TENM3: variants seen among roughly 807,000 people sequenced by gnomAD.
TENM3 encodes the protein teneurin transmembrane protein 3.
Under a neutral mutation model 255.1 loss-of-function variants are expected in TENM3, and 63 were observed. That is an observed-to-expected ratio of 0.25 (90% CI 0.20 to 0.30). The LOEUF is 0.30. Ranked by LOEUF, TENM3 falls within the 10% of genes least tolerant of loss-of-function variation. TENM3 has a pLI of 1.00. For missense variants in TENM3, 2,929 were observed against 3,461.1 expected (o/e 0.85, Z 3.86); for synonymous variants, 1,306 against 1,322.3 (o/e 0.99, Z 0.27).
chr4:182,794,837 C>T (rs531349700), intron 26 of TENM3, among the ~76,000 whole-genome samples: 2 of 152,292 alleles, frequency 1.3e-5, no homozygotes, highest in African/African-American at 4.8e-5. Flanking sequence ...TCAACCTCTA[C>T]TCCAAGAATT....
the TENM3 span, among the ~76,000 whole-genome samples, chr4:181,620,272 A>AT: frequency 1.9e-4 from 21 of 108,992 alleles, no homozygotes; most frequent in East Asian, 1.1e-3. Context: ...AAATAAAAAT[A>AT]AAAATAAAAT....
At chr4:182,613,972 C>T (rs1260113685) in intron 4 of TENM3, among the ~76,000 whole-genome samples, 1 of 152,128 alleles carries the variant, frequency 6.6e-6, no homozygotes, top group African/African-American at 2.4e-5. Flanking sequence ...AAGATAATAG[C>T]ACATCAATTC....
intron 3 of TENM3, among the ~76,000 whole-genome samples, chr4:182,348,864 A>T (rs906147982): frequency 2.0e-5 from 3 of 152,150 alleles, no homozygotes; most frequent in African/African-American, 7.2e-5. Flanking sequence ...GGGAGAAGGG[A>T]AGGAAGACTT....
chr4:182,793,838 A>C lies in TENM3; in HGVS notation c.7166A>C (p.Asn2389Thr), dbSNP rs746496484. 3.6e-5 allele frequency: 58 copies of C among 1,612,750 alleles called. No individual in the cohort carries two copies. Among genetic ancestry groups the C allele is most frequent in the Admixed American group, 6.7e-5 (4 of 59,822 alleles). ...PAPFNLYMFR[N>T]NNPASKIHDV... is the part of the protein sequence containing the mutation. ...CCTTTTAACTTGTACATGTTTAGGA[A>C]TAACAACCCTGCAAGCAAAATCCAT... Residue 2389 changes from asparagine to threonine, a missense_variant, in exon 26 of 28, where the codon AAT (asparagine) becomes ACT (threonine). Around this residue, in one of 6 missense-constraint regions of TENM3, gnomAD observed 476 missense variants for 480.1 expected, o/e 0.99. Coordinates refer to ENST00000511685, the MANE Select transcript of TENM3 (RefSeq NM_001080477.4). This position sits in a 1 kb window ranked among gnomAD's most constrained non-coding sequence, Gnocchi z 5.7.
intron 16 of TENM3, among the ~76,000 whole-genome samples, chr4:182,735,292 T>G (rs1213654100): frequency 6.6e-6 from 1 of 152,196 alleles, no homozygotes; most frequent in Admixed American, 6.5e-5. Flanking sequence ...TGTACTGTAC[T>G]GTACCACATC....
At chr4:182,522,399 A>T (rs1261744943) in intron 3 of TENM3, among the ~76,000 whole-genome samples, 1 of 152,060 alleles carries the variant, frequency 6.6e-6, no homozygotes, top group African/African-American at 2.4e-5. Context: ...CATGAGATCC[A>T]CTTTTCTCAG....
chr4:182,674,715 A>T (rs996349485), intron 7 of TENM3, among the ~76,000 whole-genome samples: 1 of 151,966 alleles, frequency 6.6e-6, no homozygotes, highest in Non-Finnish European at 1.5e-5. Context: ...AGCTGGGACT[A>T]CAGATGCGTG....
chr4:181,946,980 A>G, the TENM3 span, among the ~76,000 whole-genome samples: 532 of 152,342 alleles, frequency 3.5e-3, no homozygotes, highest in Non-Finnish European at 5.1e-3. Context: ...TTCAAATCCC[A>G]TGTAAATCAC....
At chr4:181,573,887 C>T in the TENM3 span, among the ~76,000 whole-genome samples, 1 of 152,108 alleles carries the variant, frequency 6.6e-6, no homozygotes, top group African/African-American at 2.4e-5. Flanking sequence ...ACAAACCTGT[C>T]CCAAATATCT....
intron 12 of TENM3, among the ~76,000 whole-genome samples, chr4:182,710,324 T>G (rs1356527356): frequency 6.6e-6 from 1 of 152,182 alleles, no homozygotes; most frequent in Non-Finnish European, 1.5e-5. Context: ...GTATATAGCA[T>G]GGAGAAGGAA....
the TENM3 span, among the ~76,000 whole-genome samples, chr4:181,737,248 G>A: frequency 6.6e-6 from 1 of 152,128 alleles, no homozygotes; most frequent in South Asian, 2.1e-4. Context: ...CCATCCAGTT[G>A]AGAAGATTTC....
chr4:181,453,478 G>A, the TENM3 span, among the ~76,000 whole-genome samples: 1 of 152,114 alleles, frequency 6.6e-6, no homozygotes, highest in African/African-American at 2.4e-5. Context: ...GAGGCCAGAT[G>A]ATGCCATCCG....
At chr4:181,782,755 T>G in the TENM3 span, among the ~76,000 whole-genome samples, 2 of 152,210 alleles carry the variant, frequency 1.3e-5, no homozygotes, top group Non-Finnish European at 2.9e-5. Context: ...CTTGCGGGTG[T>G]TTAGTGCTAT....
the TENM3 span, among the ~76,000 whole-genome samples, chr4:181,878,364 G>A: frequency 3.8e-4 from 58 of 152,088 alleles, 1 homozygote; most frequent in African/African-American, 1.4e-3. Flanking sequence ...AGGGAGGAAC[G>A]GAATTGGGGA....
At chr4:182,310,628 T>A (rs958282453) in intron 1 of TENM3, among the ~76,000 whole-genome samples, 1 of 151,822 alleles carries the variant, frequency 6.6e-6, no homozygotes, top group African/African-American at 2.4e-5. Context: ...ACGACTGGGG[T>A]CTGTTCCACC....
At chr4:181,458,423 C>T in the TENM3 span, among the ~76,000 whole-genome samples, 507 of 151,968 alleles carry the variant, frequency 3.3e-3, 2 homozygotes, top group Non-Finnish European at 5.3e-3. Flanking sequence ...AGGTGAAACC[C>T]AATCCATCAT....
intron 1 of TENM3, among the ~76,000 whole-genome samples, chr4:182,164,348 C>T (rs1302233573): frequency 6.6e-6 from 1 of 152,192 alleles, no homozygotes; most frequent in Non-Finnish European, 1.5e-5. Flanking sequence ...GTCCTTTCTT[C>T]ACCTCAATCC....
the TENM3 span, among the ~76,000 whole-genome samples, chr4:182,069,839 G>A: frequency 2.0e-5 from 3 of 152,130 alleles, no homozygotes; most frequent in Admixed American, 6.6e-5. Flanking sequence ...GATGAAGGGA[G>A]GAGTTTCTGT....
intron 3 of TENM3, among the ~76,000 whole-genome samples, chr4:182,424,518 T>A (rs527957680): frequency 1.2e-3 from 187 of 151,960 alleles, no homozygotes; most frequent in African/African-American, 3.7e-3. Flanking sequence ...CCTATTTTTT[T>A]AAAAAAAATG....
Sources: gnomAD v4.1 joint callset for allele counts (sites outside exome capture counted in the v4.1 genomes callset) on GRCh38, gnomAD v4.1.1 for gene constraint, gnomAD v4.1.1 regional missense constraint, Gnocchi (gnomAD v3.1) non-coding constraint, MANE v1.5 for transcripts, NCBI Gene and HGNC (gene_info 2026-07-23, HGNC 2026-07-21) for gene names.